The following DDX10 variants were observed in gnomAD, a reference collection of about 807,000 sequenced individuals.
The protein encoded by DDX10 is probable ATP-dependent RNA helicase DDX10.
A neutral mutation model predicts 104.3 loss-of-function variants in DDX10; 74 were observed. The ratio of observed to expected loss-of-function variants is 0.71; its 90% CI spans 0.59 to 0.86. The LOEUF is 0.86. Among genes scored for constraint, DDX10 ranks in the 40% least tolerant of loss-of-function variants. The pLI is 0.00. For synonymous variants in DDX10, 351 were observed against 353.4 expected (o/e 0.99, Z 0.08); for missense variants, 952 against 1,040.0 (o/e 0.92, Z 1.16).
At chr11:108,842,052 A>G (rs1019802317) in intron 15 of DDX10, among the ~76,000 whole-genome samples, 1 of 152,172 alleles carries the variant, frequency 6.6e-6, no homozygotes, top group African/African-American at 2.4e-5. Context: ...TTCCATATCA[A>G]TTACTTGATA....
chr11:108,803,598 A>AAAAAAAAAG (rs1555027136), intron 13 of DDX10, among the ~76,000 whole-genome samples: 1 of 138,652 alleles, frequency 7.2e-6, no homozygotes, highest in Non-Finnish European at 1.5e-5. Flanking sequence ...AAAAAAAAAA[A>AAAAAAAAAG]AAAAGAAAAA....
In DDX10 at chr11:108,675,771, A is replaced by G. The variant is rs748354793; in HGVS notation, c.378+45A>G. 3.7e-6 allele frequency: 6 copies of G among 1,602,904 alleles called. No homozygotes were observed. In the South Asian group the frequency reaches 5.6e-5, roughly 15 times the overall value. ...GTCAGACTGTCTGTTATACAATTTT[A>G]TAACATTCTGTGCCCAGATGCAGAT... On this transcript the variant is annotated intron_variant, in intron 3 of 17. Coordinates refer to ENST00000322536, the MANE Select transcript of DDX10 (RefSeq NM_004398.4).
intron 16 of DDX10, among the ~76,000 whole-genome samples, chr11:108,881,127 A>G (rs1430481672): frequency 6.6e-6 from 1 of 152,212 alleles, no homozygotes; most frequent in Non-Finnish European, 1.5e-5. Context: ...AAAATTTTAC[A>G]GTATTAAAAA....
chr11:108,839,103 T>C (rs1862601612), intron 14 of DDX10, among the ~76,000 whole-genome samples: 1 of 152,212 alleles, frequency 6.6e-6, no homozygotes, highest in African/African-American at 2.4e-5. Context: ...AGGGAAGGGA[T>C]TACCACTCAC....
intron 13 of DDX10, among the ~76,000 whole-genome samples, chr11:108,758,790 G>T (rs1170033673): frequency 6.6e-6 from 1 of 152,032 alleles, no homozygotes; most frequent in Non-Finnish European, 1.5e-5. Context: ...GATGATCCAG[G>T]ACAGTCTCCT....
chr11:108,791,173 G>A (rs975735268), intron 13 of DDX10, among the ~76,000 whole-genome samples: 2 of 152,210 alleles, frequency 1.3e-5, no homozygotes, highest in Admixed American at 6.5e-5. Context: ...TCATTTCGGG[G>A]CCACAGCTAC....
At chr11:108,718,185 A>G (rs1430606841) in intron 11 of DDX10, among the ~76,000 whole-genome samples, 1 of 152,022 alleles carries the variant, frequency 6.6e-6, no homozygotes, top group Non-Finnish European at 1.5e-5. Context: ...AAAATTGTCT[A>G]GAGTAACATA....
chr11:108,886,394 C>G (rs1863296423), intron 16 of DDX10, among the ~76,000 whole-genome samples: 1 of 152,214 alleles, frequency 6.6e-6, no homozygotes, highest in Admixed American at 6.5e-5. Flanking sequence ...TACAGTCTGT[C>G]TTCTTCCTCT....
intron 16 of DDX10, among the ~76,000 whole-genome samples, chr11:108,905,358 G>T (rs1863581530): frequency 8.0e-6 from 1 of 125,510 alleles, no homozygotes; most frequent in Admixed American, 8.8e-5. Flanking sequence ...ACCACCTGAA[G>T]TTTCCTCTAT....
intron 17 of DDX10, among the ~76,000 whole-genome samples, chr11:108,922,653 C>A (rs1175897244): frequency 6.6e-6 from 1 of 152,222 alleles, no homozygotes; most frequent in Non-Finnish European, 1.5e-5. Context: ...TTTAAACTAC[C>A]TTCGACCCTC....
intron 16 of DDX10, among the ~76,000 whole-genome samples, chr11:108,882,167 G>A (rs890454079): frequency 1.3e-5 from 2 of 152,106 alleles, no homozygotes; most frequent in Non-Finnish European, 2.9e-5. Flanking sequence ...AAATAGATTA[G>A]ATAATCACTC....
At chr11:108,685,225 A>G (rs2094241863) in intron 6 of DDX10, among the ~76,000 whole-genome samples, 1 of 151,714 alleles carries the variant, frequency 6.6e-6, no homozygotes, top group Non-Finnish European at 1.5e-5. Flanking sequence ...TGTGGGATAT[A>G]GTCTCGTGGT....
chr11:108,691,434 T>G (rs1399809476), intron 7 of DDX10, among the ~76,000 whole-genome samples: 1 of 152,224 alleles, frequency 6.6e-6, no homozygotes, highest in Non-Finnish European at 1.5e-5. Flanking sequence ...CACATTGAGA[T>G]ATATTTACAA....
At chr11:108,725,317 G>A (rs957353554) in intron 13 of DDX10, among the ~76,000 whole-genome samples, 3 of 152,050 alleles carry the variant, frequency 2.0e-5, no homozygotes, top group Non-Finnish European at 4.4e-5. Flanking sequence ...TTGGGGAAAC[G>A]AGTGGGGTTA....
rs772362480 is a variant in DDX10 at position 108,688,940 on chromosome 11, C to A, written c.853C>A (p.Pro285Thr). 1 of 1,611,478 alleles carries A rather than the reference C, an allele frequency of 6.2e-7. No individual in the cohort carries two copies. The highest frequency in any genetic ancestry group is 1.1e-5 in the South Asian group (1 of 90,660). ...TCTTTTCCGTAATTCCACAAGCACC[C>A]CTGCCACTTTGGAACAGAACTACAT... is the stretch of plus-strand genomic sequence containing the variant. ...WVHEKAKYST[P>T]ATLEQNYIVC... is the part of the protein sequence containing the mutation. The change falls in exon 7 of 18, where the codon CCT becomes ACT. Residue 285 changes from proline to threonine, a missense_variant. Physicochemically the swap from Pro to Thr is conservative, Grantham distance 38 (BLOSUM62 -1). Coordinates refer to ENST00000322536, the MANE Select transcript of DDX10 (RefSeq NM_004398.4).
At chr11:108,898,575 A>C (rs1009251524) in intron 16 of DDX10, among the ~76,000 whole-genome samples, 3 of 152,058 alleles carry the variant, frequency 2.0e-5, no homozygotes, top group Non-Finnish European at 4.4e-5. Context: ...AGACAATATG[A>C]ATATTCATGT....
intron 13 of DDX10, among the ~76,000 whole-genome samples, chr11:108,835,789 C>G (rs1165221274): frequency 6.6e-6 from 1 of 150,862 alleles, no homozygotes; most frequent in Non-Finnish European, 1.5e-5. Context: ...GGGATAGTCC[C>G]TGCTTGGCCA....
chr11:108,679,784 C>T (rs2094232094), intron 6 of DDX10, among the ~76,000 whole-genome samples: 1 of 152,134 alleles, frequency 6.6e-6, no homozygotes, highest in Non-Finnish European at 1.5e-5. Flanking sequence ...GGGAGGGGAA[C>T]AAATGTTTTT....
intron 16 of DDX10, among the ~76,000 whole-genome samples, chr11:108,863,039 C>G (rs183378567): frequency 2.0e-5 from 3 of 152,316 alleles, no homozygotes; most frequent in Admixed American, 1.3e-4. Flanking sequence ...ATTCATTTGA[C>G]TTACCTCATT....
Sources: allele counts gnomAD v4.1 joint callset (sites outside exome capture counted in the v4.1 genomes callset), GRCh38; gene constraint gnomAD v4.1.1; transcripts MANE v1.5; gene names NCBI Gene and HGNC (gene_info 2026-07-23, HGNC 2026-07-21).